WDR75: variants seen among roughly 807,000 people sequenced by gnomAD.
WDR75 encodes the protein WD repeat domain 75.
A neutral mutation model predicts 106.1 loss-of-function variants in WDR75; 52 were observed. The ratio of observed to expected loss-of-function variants is 0.49; its 90% CI spans 0.39 to 0.62. The LOEUF (loss-of-function observed/expected upper bound fraction) is 0.62. Ranked by LOEUF, WDR75 falls within the 20% of genes least tolerant of loss-of-function variation. The pLI is 0.00. For synonymous variants in WDR75, 333 were observed against 335.5 expected, an observed-to-expected ratio of 0.99 and a Z score of 0.08; for missense variants, 905 against 970.3, an observed-to-expected ratio of 0.93 and a Z score of 0.89.
intron 6 of WDR75, among the ~76,000 whole-genome samples, chr2:189,457,979 A>T (rs1186636314): frequency 2.3e-5 from 3 of 131,940 alleles, no homozygotes; most frequent in African/African-American, 8.7e-5. Flanking sequence ...AGGCTGGTGC[A>T]ATGGTGTGTT....
chr2:189,467,760 GGCAAGCA>G, intron 14 of WDR75, 112 bp downstream of exon 14: 2 of 1,000,196 alleles, frequency 2.0e-6, no homozygotes, highest in Non-Finnish European at 1.4e-6. Flanking sequence ...AGGTCAGTGG[GGCAAGCA>G]GCTAATCAAA....
intron 18 of WDR75, among the ~76,000 whole-genome samples, chr2:189,472,307 C>T (rs1458044237): frequency 6.6e-6 from 1 of 152,114 alleles, no homozygotes. Flanking sequence ...GGGAAGTCTA[C>T]GTAGGCCTTA....
chr2:189,470,581 G>A (rs1687096176), intron 17 of WDR75, among the ~76,000 whole-genome samples: 1 of 150,780 alleles, frequency 6.6e-6, no homozygotes, highest in East Asian at 1.9e-4. Flanking sequence ...GGTGGCTTGA[G>A]TTTTGTCTGT....
chr2:189,445,591 G>T (rs1686482644), intron 1 of WDR75, among the ~76,000 whole-genome samples: 1 of 152,162 alleles, frequency 6.6e-6, no homozygotes, highest in Admixed American at 6.5e-5. Context: ...GTGGTATGCT[G>T]GACTGGGGTC....
At position 189,462,551 on chromosome 2, in the gene WDR75, TAAG is replaced by T. The variant is rs1217455267; in HGVS notation, c.847_849del (p.Lys283del). 6.2e-7 allele frequency: 1 copy of T among 1,613,956 alleles called. No individual in the cohort carries two copies. The highest frequency in any genetic ancestry group is 8.5e-7 in the Non-Finnish European group (1 of 1,179,988). The stretch of plus-strand genomic sequence containing the variant: ...AGTGGCGCGATGCAACAGAGAAGAA[TAAG>T]GAGTTTCTCCCGCGTTTAGGAGCTA... On this transcript the variant is annotated inframe_deletion, in exon 9 of 21. Coordinates refer to ENST00000314761, the MANE Select transcript of WDR75 (RefSeq NM_032168.3).
chr2:189,442,489 C>T (rs1351534143), intron 1 of WDR75, among the ~76,000 whole-genome samples: 2 of 115,222 alleles, frequency 1.7e-5, no homozygotes, highest in Non-Finnish European at 3.3e-5. Flanking sequence ...CTCACTCTGT[C>T]ACCCAGGCTG....
In WDR75 at chr2:189,441,548, T is replaced by A; in HGVS notation, c.56T>A (p.Phe19Tyr). 1 of 1,562,510 alleles carries A rather than the reference T, an allele frequency of 6.4e-7. No homozygotes were observed. The highest frequency in any genetic ancestry group is 8.7e-7 in the Non-Finnish European group (1 of 1,152,334). The change falls in exon 1 of 21, where the codon TTT (phenylalanine) becomes TAT (tyrosine). Residue 19 changes from phenylalanine (F) to tyrosine (Y), a missense_variant. Coordinates refer to ENST00000314761, the MANE Select transcript of WDR75 (RefSeq NM_032168.3). ...CGTTGTGGCGGCAGCGAGTTGAACTTTAGGAGAGCTGTGTTCTCTGCAGAT... is the reference window on the plus strand; with the variant it reads ...CGTTGTGGCGGCAGCGAGTTGAACTATAGGAGAGCTGTGTTCTCTGCAGAT... ...VVRCGGSELNFRRAVFSADSK... is the reference protein window; with the variant it reads ...VVRCGGSELNYRRAVFSADSK...
chr2:189,470,265 A>G lies in WDR75; in HGVS notation c.1989+20A>G. ...TCACAGGTAACTGCCTCCCTCAAAA[A>G]AGGCGATCACTTTGTACATGGAATT... is the stretch of plus-strand genomic sequence containing the variant. On this transcript the variant is annotated intron_variant, in intron 17 of 20. Transcript: ENST00000314761. 1 of 1,605,950 alleles carries G rather than the reference A, an allele frequency of 6.2e-7. No individual in the cohort carries two copies. The highest frequency in any genetic ancestry group is 2.2e-5 in the East Asian group (1 of 44,818).
intron 5 of WDR75, 81 bp downstream of exon 5, chr2:189,455,525 A>G: frequency 1.3e-6 from 2 of 1,498,042 alleles, no homozygotes; most frequent in Non-Finnish European, 9.0e-7. Flanking sequence ...TTTATGTTAC[A>G]GTGATTTTAT....
At chr2:189,441,732 T>C (rs1686371015) in intron 1 of WDR75, among the ~76,000 whole-genome samples, 154 bp downstream of exon 1, 1 of 152,152 alleles carries the variant, frequency 6.6e-6, no homozygotes, top group South Asian at 2.1e-4. Context: ...CCAGGGTACC[T>C]GGGAGGTCCC....
At chr2:189,453,918 T>C (rs1686679170) in intron 4 of WDR75, among the ~76,000 whole-genome samples, 1 of 152,254 alleles carries the variant, frequency 6.6e-6, no homozygotes. Context: ...GCCTTTCATT[T>C]ACGTGTTATT....
chr2:189,463,854 A>G lies in WDR75; in HGVS notation c.1006A>G (p.Ile336Val). The change falls in exon 11 of 21, where the codon ATC becomes GTC. Residue 336 changes from isoleucine (I) to valine (V), a missense_variant. Transcript: ENST00000314761. ...TGTCACCACTTCTGCAGATAGGAGT[A>G]TCTTCACTGGTTTGATGATTGATCC... ...VIQGLVKDRS[I>V]FTGLMIDPRT... is the part of the protein sequence containing the mutation. The G allele has an allele frequency of 6.2e-7, 1 of 1,613,878 alleles. No homozygotes were observed. The highest frequency in any genetic ancestry group is 1.1e-5 in the South Asian group (1 of 91,076).
chr2:189,458,759 T>C lies in WDR75; in HGVS notation c.576T>C (p.Thr192=). Reference sequence around the variant, plus strand: ...TGTTTTTTTTTTCTCCTAGGTTTACTTTATCATCATCAAGAAATAAGAAGC... The same window carrying C: ...TGTTTTTTTTTTCTCCTAGGTTTACCTTATCATCATCAAGAAATAAGAAGC... ...FFKKKTTSRF[T]LSSSRNKKHA... Residue 192 remains threonine, a synonymous_variant, in exon 7 of 21, where the codon ACT becomes ACC. Transcript: ENST00000314761. 1 of 1,577,996 alleles carries C rather than the reference T, an allele frequency of 6.3e-7. No individual in the cohort carries two copies. The highest frequency in any genetic ancestry group is 8.6e-7 in the Non-Finnish European group (1 of 1,161,582).
chr2:189,448,402 A>G lies in WDR75; in HGVS notation c.110A>G (p.Asp37Gly), dbSNP rs768234376. 3 of 1,613,156 alleles carry G rather than the reference A, an allele frequency of 1.9e-6. No individual in the cohort carries two copies. The East Asian group carries it at 6.7e-5, about 36-fold the overall frequency. Residue 37 changes from aspartate (D) to glycine (G), a missense_variant, in exon 2 of 21, where the codon GAC becomes GGC. Physicochemically the swap from Asp to Gly is moderately conservative, Grantham distance 94. Coordinates refer to ENST00000314761, the MANE Select transcript of WDR75 (RefSeq NM_032168.3). ...AGGTATATCTTCTGTGTCTCTGGAG[A>G]CTTTGTTAAAGTTTACAGCACAGTT... ...DSKYIFCVSG[D>G]FVKVYSTVTE...
chr2:189,467,698 A>G (rs1241705335), intron 14 of WDR75, 50 bp downstream of exon 14: 3 of 1,474,428 alleles, frequency 2.0e-6, no homozygotes, highest in African/African-American at 2.9e-5. Flanking sequence ...ACTTATTTAA[A>G]CAAGTCTTAA....
intron 1 of WDR75, among the ~76,000 whole-genome samples, chr2:189,444,058 C>T (rs768926410): frequency 6.6e-6 from 1 of 151,964 alleles, no homozygotes; most frequent in Non-Finnish European, 1.5e-5. Flanking sequence ...GGTAGAAATT[C>T]AGGACTGAAG....
chr2:189,458,936 C>A, intron 7 of WDR75, 64 bp downstream of exon 7: 2 of 1,494,938 alleles, frequency 1.3e-6, no homozygotes, highest in South Asian at 1.5e-5. Context: ...TCCTGTAGAA[C>A]AGGGCTATCT....
chr2:189,459,500 T>G lies in WDR75; in HGVS notation c.778+76T>G, dbSNP rs925070562. 4.3e-6 allele frequency: 6 copies of G among 1,395,672 alleles called. No individual in the cohort carries two copies. The African/African-American group carries it at 8.6e-5, about 20-fold the overall frequency. 86.5% of individuals were successfully genotyped at this position (1,395,672 alleles called of 1,614,324 possible). ...TGTTTTAATTCACTGTATTTTTAGT[T>G]TGGAAGATTTAAAACTGCATGAGCC... On this transcript the variant is annotated intron_variant, in intron 8 of 20. Transcript: ENST00000314761.
chr2:189,448,331 C>T, intron 1 of WDR75, 48 bp from the exon 2 acceptor site: 3 of 1,526,520 alleles, frequency 2.0e-6, no homozygotes, highest in South Asian at 1.3e-5. Flanking sequence ...AGTGTGAAAA[C>T]AGGCTAATAC....
Sources: allele counts gnomAD v4.1 joint callset (sites outside exome capture counted in the v4.1 genomes callset), GRCh38; gene constraint gnomAD v4.1.1; transcripts MANE v1.5; gene names NCBI Gene and HGNC (gene_info 2026-07-23, HGNC 2026-07-21).